SLC48A1: variants seen among roughly 807,000 people sequenced by gnomAD.
SLC48A1 encodes the protein heme transporter HRG1.
SLC48A1 carries 6 observed loss-of-function variants against 14.8 expected under a neutral mutation model. The ratio of observed to expected loss-of-function variants is 0.41; its 90% CI spans 0.22 to 0.80. The LOEUF is 0.80. Among genes scored for constraint, SLC48A1 ranks in the 30% least tolerant of loss-of-function variants. The pLI is 0.34. For synonymous variants in SLC48A1, 89 were observed against 90.0 expected (o/e 0.99, Z 0.06); for missense variants, 165 against 204.8 (o/e 0.81, Z 1.19).
chr12:47,770,366 G>C (rs1942604006), upstream of SLC48A1, among the ~76,000 whole-genome samples: 1 of 152,160 alleles, frequency 6.6e-6, no homozygotes, highest in Non-Finnish European at 1.5e-5. Flanking sequence ...CTGACCTTTA[G>C]GTTCAGATAG....
chr12:47,778,539 A>C (rs1031957579), intron 1 of SLC48A1: 1 of 157,254 alleles, frequency 6.4e-6, no homozygotes, highest in Non-Finnish European at 1.4e-5. Flanking sequence ...CTCAGGGTAG[A>C]CAGTGGCAAG....
upstream of SLC48A1, chr12:47,773,126 G>C (rs908885334): frequency 2.2e-6 from 2 of 913,966 alleles, no homozygotes; most frequent in African/African-American, 1.8e-5. Flanking sequence ...TGCGGTTCCG[G>C]GCGCGGGCGG....
upstream of SLC48A1, chr12:47,771,132 T>C (rs1592603186): frequency 3.9e-6 from 1 of 257,358 alleles, no homozygotes; most frequent in Non-Finnish European, 8.2e-6. Flanking sequence ...TGGGGCTGGG[T>C]TTATTTTTTT....
intron 2 of SLC48A1, among the ~76,000 whole-genome samples, chr12:47,764,638 G>A (rs1805610746): frequency 6.6e-6 from 1 of 152,180 alleles, no homozygotes; most frequent in Admixed American, 6.5e-5. Flanking sequence ...GCAGGCTAGG[G>A]CTAAGGTCCC....
intron 2 of SLC48A1, among the ~76,000 whole-genome samples, chr12:47,779,565 G>A (rs927492281): frequency 2.4e-4 from 37 of 152,166 alleles, no homozygotes; most frequent in Non-Finnish European, 1.0e-4. Flanking sequence ...GGTGGCCTAG[G>A]GTATTTGTCA....
chr12:47,769,188 G>A (rs1353747907), upstream of SLC48A1: 2 of 152,240 alleles, frequency 1.3e-5, no homozygotes, highest in African/African-American at 4.8e-5. Context: ...CTGCAAGGAA[G>A]CTGGGAAGTG....
upstream of SLC48A1, chr12:47,769,566 A>G (rs1276926826): frequency 6.6e-6 from 1 of 152,272 alleles, no homozygotes; most frequent in African/African-American, 2.4e-5. Flanking sequence ...CTAACTGGAT[A>G]TTATAGTCTA....
intron 1 of SLC48A1, among the ~76,000 whole-genome samples, chr12:47,774,063 G>A (rs1277795732): frequency 1.3e-5 from 2 of 152,184 alleles, no homozygotes; most frequent in Non-Finnish European, 2.9e-5. Flanking sequence ...ACCCATGTTG[G>A]TGCCTTTTTG....
At chr12:47,760,405 T>A in intron 2 of SLC48A1, 2 of 985,362 alleles carry the variant, frequency 2.0e-6, no homozygotes, top group Non-Finnish European at 2.4e-6. Context: ...GTCACAGGTA[T>A]GCATGGGGAA....
upstream of SLC48A1, chr12:47,773,232 G>T (rs1942664913): frequency 8.8e-7 from 1 of 1,138,046 alleles, no homozygotes; most frequent in Non-Finnish European, 1.1e-6. Context: ...CGCGGCTCCG[G>T]CTGGCGGCTT....
chr12:47,773,516 C>T, intron 1 of SLC48A1, 76 bp downstream of exon 1: 1 of 1,242,746 alleles, frequency 8.0e-7, no homozygotes, highest in Non-Finnish European at 1.0e-6. Context: ...CCAGGACGCT[C>T]CCCGCGAGCG....
At chr12:47,771,068 C>A, upstream of SLC48A1, 2 of 366,052 alleles carry the variant, frequency 5.5e-6, no homozygotes, top group Non-Finnish European at 1.1e-5. Flanking sequence ...ACAGCCTTGA[C>A]ATCACTTCTC....
chr12:47,771,483 C>T (rs1413275401), upstream of SLC48A1: 1 of 153,014 alleles, frequency 6.5e-6, no homozygotes, highest in Non-Finnish European at 1.5e-5. Context: ...GAATATGTCA[C>T]CTTCCACGGC....
At chr12:47,754,336 A>T (rs1282757372), upstream of SLC48A1, among the ~76,000 whole-genome samples, 2 of 152,250 alleles carry the variant, frequency 1.3e-5, no homozygotes, top group Admixed American at 6.5e-5. Context: ...ACTGGGTTAG[A>T]CAAAGATAGA....
upstream of SLC48A1, chr12:47,770,861 T>G: frequency 2.2e-6 from 1 of 456,652 alleles, no homozygotes; most frequent in Non-Finnish European, 4.4e-6. Flanking sequence ...ACTTACAGTT[T>G]CCCAAAGCGG....
chr12:47,773,028 G>T (rs1175206920), upstream of SLC48A1, among the ~76,000 whole-genome samples: 1 of 152,078 alleles, frequency 6.6e-6, no homozygotes, highest in Non-Finnish European at 1.5e-5. Flanking sequence ...ATCCGGACAC[G>T]GCGGGTCTGG....
intron 2 of SLC48A1, among the ~76,000 whole-genome samples, chr12:47,763,742 A>G (rs1048803443): frequency 6.6e-6 from 1 of 152,154 alleles, no homozygotes; most frequent in Non-Finnish European, 1.5e-5. Flanking sequence ...GCCACTTATG[A>G]CAGTGATGGG....
At position 47,780,795 on chromosome 12, in the gene SLC48A1, G is replaced by T. The variant is rs1169396401; in HGVS notation, c.*514G>T. On this transcript the variant is annotated 3_prime_UTR_variant, in exon 3 of 3. Transcript: ENST00000442218. The stretch of plus-strand genomic sequence containing the variant: ...TTGGCCAGGCTGGTCTCGAACTCCT[G>T]ATCTCAGGTGATTCACCCGCCTCAG... The T allele has an allele frequency of 2.1e-6, 1 of 468,406 alleles. No homozygotes were observed. The highest frequency in any genetic ancestry group is 2.3e-5 in the Admixed American group (1 of 43,006). 29.0% of individuals were successfully genotyped at this position (468,406 alleles called of 1,614,324 possible). A position where few individuals can be genotyped will look rare whatever the true frequency, so the allele number is the denominator to read the frequency against.
chr12:47,776,226 TA>T (rs1942750532), intron 1 of SLC48A1, among the ~76,000 whole-genome samples: 1 of 152,178 alleles, frequency 6.6e-6, no homozygotes, highest in Non-Finnish European at 1.5e-5. Context: ...CGCCCTACCC[TA>T]TGCCTTCCTT....
Sources: gnomAD v4.1 joint callset for allele counts (sites outside exome capture counted in the v4.1 genomes callset) on GRCh38, gnomAD v4.1.1 for gene constraint, MANE v1.5 for transcripts, NCBI Gene and HGNC (gene_info 2026-07-23, HGNC 2026-07-21) for gene names.